The following BUB1B variants were observed in gnomAD, a reference collection of about 807,000 sequenced individuals.
The protein encoded by BUB1B is BUB1 mitotic checkpoint serine/threonine kinase B.
A neutral mutation model predicts 137.7 loss-of-function variants in BUB1B; 86 were observed. That is an observed-to-expected ratio of 0.62 (90% CI 0.52 to 0.75). BUB1B has a LOEUF of 0.75. Among genes scored for constraint, BUB1B ranks in the 30% least tolerant of loss-of-function variants. The pLI is 0.00. For synonymous variants in BUB1B, 420 were observed against 417.9 expected (o/e 1.00, Z -0.06); for missense variants, 1,130 against 1,236.9 (o/e 0.91, Z 1.30).
intron 8 of BUB1B, 44 bp downstream of exon 8, chr15:40,185,686 G>A (rs773920880): frequency 7.7e-6 from 12 of 1,552,496 alleles, no homozygotes; most frequent in Non-Finnish European, 9.8e-6. Flanking sequence ...ATTATTAAGG[G>A]TGGGCAGAGG....
chr15:40,165,381 G>C (rs1038653135), intron 2 of BUB1B, among the ~76,000 whole-genome samples, 185 bp downstream of exon 2: 9 of 152,184 alleles, frequency 5.9e-5, no homozygotes, highest in African/African-American at 2.2e-4. Context: ...GTATAATTAA[G>C]AACAAGGGCT....
chr15:40,206,218 A>G lies in BUB1B; in HGVS notation c.1769A>G (p.Asp590Gly). The change falls in exon 15 of 23, where the codon GAT (aspartate) becomes GGT (glycine). Residue 590 changes from aspartate (D) to glycine (G), a missense_variant. Asp to Gly is a moderately conservative substitution (Grantham distance 94). Coordinates refer to ENST00000287598, the MANE Select transcript of BUB1B (RefSeq NM_001211.6). ...EFTGIEPLSE[D>G]AIITGFRNVT... Reference sequence around the variant, plus strand: ...ACAGGAATTGAACCCTTGAGCGAGGATGCCATTATCACAGGCTTCAGAAAT... The same window carrying G: ...ACAGGAATTGAACCCTTGAGCGAGGGTGCCATTATCACAGGCTTCAGAAAT... 1 of 1,614,196 alleles carries G rather than the reference A, an allele frequency of 6.2e-7. No individual in the cohort carries two copies. The highest frequency in any genetic ancestry group is 8.5e-7 in the Non-Finnish European group (1 of 1,180,030).
At chr15:40,176,159 C>T (rs1232746767) in intron 4 of BUB1B, among the ~76,000 whole-genome samples, 1 of 152,116 alleles carries the variant, frequency 6.6e-6, no homozygotes. Context: ...TTATGTTGCC[C>T]AGGCTTGTCT....
intron 18 of BUB1B, among the ~76,000 whole-genome samples, chr15:40,212,128 C>G (rs1239741845): frequency 6.6e-6 from 1 of 152,250 alleles, no homozygotes; most frequent in African/African-American, 2.4e-5. Context: ...AGCCACTGCA[C>G]TAGGCCTACC....
At chr15:40,181,455 C>A (rs2037293073) in intron 5 of BUB1B, among the ~76,000 whole-genome samples, 2 of 151,884 alleles carry the variant, frequency 1.3e-5, no homozygotes, top group South Asian at 4.2e-4. Flanking sequence ...TAAATGTATG[C>A]CTTTCACAAA....
chr15:40,181,037 T>C (rs566262990), intron 5 of BUB1B, among the ~76,000 whole-genome samples: 1 of 152,226 alleles, frequency 6.6e-6, no homozygotes, highest in South Asian at 2.1e-4. Flanking sequence ...TTGTCCAAGA[T>C]TTTTTCTTGT....
intron 22 of BUB1B, among the ~76,000 whole-genome samples, chr15:40,218,911 C>A (rs887314745): frequency 7.9e-5 from 12 of 152,048 alleles, no homozygotes; most frequent in African/African-American, 2.9e-4. Context: ...ATTCCTTTTT[C>A]TTTATTTATT....
At position 40,214,646 on chromosome 15, in the gene BUB1B, A is replaced by G. The variant is rs926919077; in HGVS notation, c.2678+1172A>G. On this transcript the variant is annotated intron_variant, in intron 20 of 22. Transcript: ENST00000287598. Reference sequence around the variant, plus strand: ...AACGTGGAAATTAAAAGAACCCTCAATGTGTTCCTGTGATTGTAACCAAAA... The same window carrying G: ...AACGTGGAAATTAAAAGAACCCTCAGTGTGTTCCTGTGATTGTAACCAAAA... Among the ~76,000 whole-genome samples the G allele has an allele frequency of 1.5e-4, 23 of 152,282 alleles. 1 individual carries two copies. The highest frequency in any genetic ancestry group is 3.1e-4 in the Non-Finnish European group (21 of 68,024).
In BUB1B at chr15:40,199,616, C is replaced by G. The variant is rs376379876; in HGVS notation, c.1290C>G (p.Ala430=). The G allele has an allele frequency of 1.2e-6, 2 of 1,612,830 alleles. No individual in the cohort carries two copies. Among genetic ancestry groups the G allele is most frequent in the African/African-American group, 1.3e-5 (1 of 74,820 alleles). The part of the protein sequence containing the change: ...FRKKLKEQRE[A]ELLTSAEKRA... Reference sequence around the variant, plus strand: ...CTCAAGCAACTTTACTGTTTCTAGCCGAGCTATTGACCAGTGCAGAGAAGA... The same window carrying G: ...CTCAAGCAACTTTACTGTTTCTAGCGGAGCTATTGACCAGTGCAGAGAAGA... Residue 430 remains alanine, a splice_region_variant and synonymous_variant, in exon 10 of 23, where the codon GCC becomes GCG. Transcript: ENST00000287598.
At chr15:40,202,822 C>G in intron 14 of BUB1B, 128 bp downstream of exon 14, 3 of 809,184 alleles carry the variant, frequency 3.7e-6, no homozygotes, top group South Asian at 2.8e-5. Context: ...CTCAGCATTA[C>G]TACTCAACAG....
intron 8 of BUB1B, among the ~76,000 whole-genome samples, chr15:40,190,253 C>A (rs1163177677): frequency 6.6e-6 from 1 of 152,126 alleles, no homozygotes; most frequent in African/African-American, 2.4e-5. Context: ...TTCATTCTTA[C>A]TGTAAATCTT....
intron 8 of BUB1B, among the ~76,000 whole-genome samples, chr15:40,186,636 G>C (rs1367268310): frequency 6.7e-6 from 1 of 150,368 alleles, no homozygotes; most frequent in African/African-American, 2.4e-5. Flanking sequence ...TAGTGGACAC[G>C]GGGTTTCACC....
At chr15:40,190,293 T>G (rs77480601) in intron 8 of BUB1B, among the ~76,000 whole-genome samples, 3,256 of 152,288 alleles carry the variant, frequency 0.021, 111 homozygotes, top group African/African-American at 0.075. Context: ...TTATTTTTTA[T>G]TTTTATTTTA....
chr15:40,215,505 C>T (rs909445783), intron 20 of BUB1B, among the ~76,000 whole-genome samples: 2 of 152,154 alleles, frequency 1.3e-5, no homozygotes, highest in Non-Finnish European at 2.9e-5. Flanking sequence ...CGCAGTAGCT[C>T]ACGCCTGTAA....
At chr15:40,171,111 A>G (rs1339770114) in intron 4 of BUB1B, among the ~76,000 whole-genome samples, 2 of 151,942 alleles carry the variant, frequency 1.3e-5, no homozygotes, top group African/African-American at 4.8e-5. Flanking sequence ...TAATTTTTTA[A>G]TTTTTAATAG....
intron 5 of BUB1B, among the ~76,000 whole-genome samples, chr15:40,182,290 G>T (rs1490611398): frequency 6.6e-6 from 1 of 152,152 alleles, no homozygotes; most frequent in African/African-American, 2.4e-5. Context: ...TCCTTTGAAA[G>T]TTGGTCACAT....
intron 1 of BUB1B, among the ~76,000 whole-genome samples, chr15:40,162,863 A>G (rs2037056148): frequency 6.6e-6 from 1 of 152,172 alleles, no homozygotes; most frequent in Non-Finnish European, 1.5e-5. Flanking sequence ...TATATCTCGT[A>G]TTAGATCATG....
At chr15:40,196,799 G>T in intron 9 of BUB1B, 25 bp downstream of exon 9, 1 of 1,605,974 alleles carries the variant, frequency 6.2e-7, no homozygotes, top group Non-Finnish European at 8.5e-7. Context: ...AGTTTGTGAA[G>T]AGGACTTAAC....
intron 20 of BUB1B, among the ~76,000 whole-genome samples, chr15:40,215,916 C>CA (rs1307962199): frequency 6.6e-6 from 1 of 151,824 alleles, no homozygotes; most frequent in Non-Finnish European, 1.5e-5. Context: ...CCTGTCTCTA[C>CA]AAAAATAAAA....
Sources: allele counts gnomAD v4.1 joint callset (sites outside exome capture counted in the v4.1 genomes callset), GRCh38; gene constraint gnomAD v4.1.1; transcripts MANE v1.5; gene names NCBI Gene and HGNC (gene_info 2026-07-23, HGNC 2026-07-21).